STK33: variants seen among roughly 807,000 people sequenced by gnomAD.
The protein encoded by STK33 is serine/threonine kinase 33.
STK33 carries 52 observed loss-of-function variants against 58.0 expected under a neutral mutation model. That is an observed-to-expected ratio of 0.90 (90% confidence interval 0.72 to 1.13). STK33 has a LOEUF of 1.13. Ranked by LOEUF, STK33 falls within the 50% of genes most tolerant of loss-of-function variation. The pLI is 0.00. For missense variants in STK33, 630 were observed against 604.2 expected, an observed-to-expected ratio of 1.04 and a Z score of -0.45; for synonymous variants, 215 against 200.1, an observed-to-expected ratio of 1.07 and a Z score of -0.63.
In STK33 at chr11:8,509,116, C is replaced by CAAA. The variant is rs1161851155; in HGVS notation, c.-465-28505_-465-28503dup. Among the ~76,000 whole-genome samples the CAAA allele has an allele frequency of 3.5e-3, 158 of 45,196 alleles. 1 individual carries two copies. The highest frequency in any genetic ancestry group is 0.011 in the Middle Eastern group (1 of 90). 29.7% of individuals were successfully genotyped at this position (45,196 alleles called of 152,430 possible). A position where few individuals can be genotyped will look rare whatever the true frequency, so the allele number is the denominator to read the frequency against. On this transcript the variant is annotated intron_variant, in intron 1 of 15. Transcript: ENST00000687296. ...GGGCAACAAGAGCAAAACTCTGTCT[C>CAAA]AAAAAAAAAAAAAAAAAAAAAAAGC... is the stretch of plus-strand genomic sequence containing the variant.
intron 1 of STK33, among the ~76,000 whole-genome samples, chr11:8,530,885 T>A (rs1954483213): frequency 6.6e-6 from 1 of 152,018 alleles, no homozygotes; most frequent in Admixed American, 6.6e-5. Context: ...GAGACAGGGT[T>A]TTGCCATGTT....
At chr11:8,491,695 G>C (rs7933271) in intron 1 of STK33, among the ~76,000 whole-genome samples, 2 of 151,976 alleles carry the variant, frequency 1.3e-5, no homozygotes, top group South Asian at 4.1e-4. Context: ...CAGCCAGAGA[G>C]AAAGGTCAGG....
At chr11:8,537,953 G>A (rs867243894) in intron 1 of STK33, among the ~76,000 whole-genome samples, 8 of 151,742 alleles carry the variant, frequency 5.3e-5, no homozygotes, top group South Asian at 2.1e-4. Flanking sequence ...TTGGGAGGCC[G>A]AGGCAGGAGG....
intron 1 of STK33, among the ~76,000 whole-genome samples, chr11:8,497,021 A>G (rs1591488111): frequency 1.3e-5 from 2 of 152,238 alleles, no homozygotes; most frequent in African/African-American, 4.8e-5. Context: ...AATATTTCTT[A>G]TTTTTGTATA....
intron 1 of STK33, among the ~76,000 whole-genome samples, chr11:8,587,204 T>C (rs1206621669): frequency 1.3e-5 from 2 of 152,200 alleles, no homozygotes; most frequent in Admixed American, 6.5e-5. Flanking sequence ...TAAGACTCTA[T>C]GGAGTTTTTT....
intron 15 of STK33, among the ~76,000 whole-genome samples, chr11:8,396,379 T>C (rs1187201644): frequency 1.3e-5 from 2 of 152,220 alleles, no homozygotes; most frequent in African/African-American, 2.4e-5. Flanking sequence ...AAATACTGTA[T>C]GTGTATGGGT....
At chr11:8,400,222 A>G (rs1185492763) in intron 15 of STK33, among the ~76,000 whole-genome samples, 1 of 152,228 alleles carries the variant, frequency 6.6e-6, no homozygotes, top group Non-Finnish European at 1.5e-5. Context: ...AATCCTCAAT[A>G]AAATACTGGC....
intron 8 of STK33, among the ~76,000 whole-genome samples, chr11:8,457,883 C>G (rs1245096975): frequency 6.6e-6 from 1 of 152,144 alleles, no homozygotes; most frequent in Non-Finnish European, 1.5e-5. Context: ...GACTCCAAAG[C>G]TTGAAACAGC....
chr11:8,433,374 T>C (rs887487741), intron 14 of STK33, among the ~76,000 whole-genome samples: 1 of 152,230 alleles, frequency 6.6e-6, no homozygotes, highest in African/African-American at 2.4e-5. Context: ...TTCTTAATGT[T>C]TTAGTGCCTA....
At chr11:8,388,923 CTT>C (rs1246333845), downstream of STK33, among the ~76,000 whole-genome samples, 1 of 152,172 alleles carries the variant, frequency 6.6e-6, no homozygotes. Context: ...AGGTGAATCT[CTT>C]TGTGTCAGGA....
At chr11:8,528,130 G>A (rs1402302190) in intron 1 of STK33, among the ~76,000 whole-genome samples, 3 of 152,166 alleles carry the variant, frequency 2.0e-5, no homozygotes, top group Non-Finnish European at 4.4e-5. Flanking sequence ...TGAGGAATGC[G>A]AGTTATGCAA....
chr11:8,481,536 A>G (rs1949800637), intron 1 of STK33, among the ~76,000 whole-genome samples: 1 of 152,210 alleles, frequency 6.6e-6, no homozygotes, highest in South Asian at 2.1e-4. Context: ...AAGGCAGACA[A>G]TGACCTGACA....
rs566109606 is a variant in STK33, at chr11:8,554,343, C to T, written c.-466+39740G>A. On this transcript the variant is annotated intron_variant, in intron 1 of 15. Coordinates refer to ENST00000687296, the MANE Select transcript of STK33 (RefSeq NM_001352389.2). ...CTGAGGCAGGAGAATCGCTTGAATCCGGGAGGTTGAGGGTACAGTGATCCC... is the reference window on the plus strand; with the variant it reads ...CTGAGGCAGGAGAATCGCTTGAATCTGGGAGGTTGAGGGTACAGTGATCCC... 1.8e-3 allele frequency among the ~76,000 whole-genome samples: 264 copies of T among 147,430 alleles called. 1 individual carries two copies. The highest frequency in any genetic ancestry group is 6.1e-3 in the African/African-American group (244 of 40,260).
intron 15 of STK33, among the ~76,000 whole-genome samples, chr11:8,410,872 T>C (rs888231645): frequency 1.3e-5 from 2 of 152,272 alleles, no homozygotes; most frequent in African/African-American, 4.8e-5. Flanking sequence ...AAGAATTCCA[T>C]AATGGAAATA....
At chr11:8,396,931 G>A (rs1849455087) in intron 15 of STK33, among the ~76,000 whole-genome samples, 1 of 152,228 alleles carries the variant, frequency 6.6e-6, no homozygotes, top group Non-Finnish European at 1.5e-5. Context: ...GCCCGCCATT[G>A]CCGAGGCTTG....
intron 5 of STK33, among the ~76,000 whole-genome samples, 174 bp from the exon 6 acceptor site, chr11:8,473,450 T>G (rs139750011): frequency 1.1e-3 from 161 of 152,288 alleles, no homozygotes; most frequent in African/African-American, 3.8e-3. Flanking sequence ...CATTGGCTCA[T>G]TAGGCTAAAG....
intron 14 of STK33, among the ~76,000 whole-genome samples, chr11:8,426,419 T>C (rs1372340012): frequency 6.6e-6 from 1 of 151,890 alleles, no homozygotes; most frequent in African/African-American, 2.4e-5. Context: ...CAGGCAGGGG[T>C]GGTCTTGGAA....
intron 1 of STK33, among the ~76,000 whole-genome samples, chr11:8,585,728 G>C (rs1443375310): frequency 6.6e-6 from 1 of 151,352 alleles, no homozygotes; most frequent in Non-Finnish European, 1.5e-5. Context: ...TCAGCAACAT[G>C]GCAAAAACCC....
chr11:8,396,228 C>T (rs775307666), intron 15 of STK33, among the ~76,000 whole-genome samples: 4 of 152,114 alleles, frequency 2.6e-5, no homozygotes, highest in East Asian at 3.8e-4. Flanking sequence ...CTCAGCCTCC[C>T]GAGTAGTTGG....
Sources: gnomAD v4.1 joint callset for allele counts (sites outside exome capture counted in the v4.1 genomes callset) on GRCh38, gnomAD v4.1.1 for gene constraint, MANE v1.5 for transcripts, NCBI Gene and HGNC (gene_info 2026-07-23, HGNC 2026-07-21) for gene names.